The following MAP3K5 variants were observed in gnomAD, a reference collection of about 807,000 sequenced individuals.
MAP3K5 encodes the protein mitogen-activated protein kinase kinase kinase 5.
In MAP3K5, 56 loss-of-function variants were observed where a neutral mutation model predicts 158.7. The ratio of observed to expected loss-of-function variants is 0.35; its 90% CI spans 0.28 to 0.44. The LOEUF is 0.44. Ranked by LOEUF, MAP3K5 falls within the 20% of genes least tolerant of loss-of-function variation. The probability of loss-of-function intolerance (pLI) is 1.00; values close to 1 mark genes in which losing one functional copy is unlikely to be tolerated. For missense variants in MAP3K5, 1,294 were observed against 1,674.8 expected, an observed-to-expected ratio of 0.77 and a Z score of 3.97; for synonymous variants, 579 against 601.7, an observed-to-expected ratio of 0.96 and a Z score of 0.55.
intron 2 of MAP3K5, among the ~76,000 whole-genome samples, chr6:136,711,525 G>A (rs538279310): frequency 4.5e-4 from 69 of 152,140 alleles, no homozygotes; most frequent in African/African-American, 1.6e-3. Flanking sequence ...AATTAGCCAG[G>A]TGTAGCAGCA....
At chr6:136,727,635 T>C (rs1782022949) in intron 1 of MAP3K5, among the ~76,000 whole-genome samples, 1 of 152,220 alleles carries the variant, frequency 6.6e-6, no homozygotes, top group South Asian at 2.1e-4. Context: ...GTTGTAATAA[T>C]ACTGTGAGTA....
intron 26 of MAP3K5, among the ~76,000 whole-genome samples, chr6:136,563,027 C>T (rs558796588): frequency 2.2e-4 from 34 of 151,932 alleles, no homozygotes; most frequent in African/African-American, 7.5e-4. Flanking sequence ...CACATACACC[C>T]CTAATTTTAT....
chr6:136,707,445 C>T (rs551433710), intron 2 of MAP3K5, among the ~76,000 whole-genome samples: 144 of 151,860 alleles, frequency 9.5e-4, no homozygotes, highest in African/African-American at 3.1e-3. Context: ...GGATCCAGGC[C>T]GGAGAGCTAG....
At chr6:136,742,010 T>A (rs923753456) in intron 1 of MAP3K5, among the ~76,000 whole-genome samples, 6 of 152,052 alleles carry the variant, frequency 3.9e-5, no homozygotes, top group African/African-American at 1.2e-4. Flanking sequence ...CTAAATAAAT[T>A]GAGAGATATT....
intron 1 of MAP3K5, among the ~76,000 whole-genome samples, chr6:136,779,689 G>C (rs1784539110): frequency 6.6e-6 from 1 of 152,122 alleles, no homozygotes; most frequent in Non-Finnish European, 1.5e-5. Flanking sequence ...AACTACTGAG[G>C]GTCCCATAGT....
intron 25 of MAP3K5, among the ~76,000 whole-genome samples, chr6:136,570,271 G>A (rs1774304821): frequency 6.6e-6 from 1 of 152,186 alleles, no homozygotes; most frequent in Non-Finnish European, 1.5e-5. Context: ...TCTGTGGACA[G>A]TATTTTCCTC....
chr6:136,755,750 G>A (rs905249706), intron 1 of MAP3K5, among the ~76,000 whole-genome samples: 1 of 149,830 alleles, frequency 6.7e-6, no homozygotes, highest in Non-Finnish European at 1.5e-5. Context: ...AATTTCCCTA[G>A]ACAAGTGCCC....
chr6:136,791,081 C>T lies in MAP3K5; in HGVS notation c.448+629G>A, dbSNP rs986142944. Among the ~76,000 whole-genome samples the T allele has an allele frequency of 5.3e-5, 8 of 152,230 alleles. No homozygotes were observed. The East Asian group carries it at 1.5e-3, about 29-fold the overall frequency. On this transcript the variant is annotated intron_variant, in intron 1 of 29. Transcript: ENST00000359015. ...AGGCCCTGGTTCTTTCACCAAAATC[C>T]TTACAAAGATAACACACAAGTTCAG...
At position 136,659,259 on chromosome 6, in the gene MAP3K5, G is replaced by GTCTTCAGTTTAA; in HGVS notation, c.1485_1486insTTAAACTGAAGA (p.Ile495_Gln496insLeuAsnTer). 6.2e-7 allele frequency: 1 copy of GTCTTCAGTTTAA among 1,614,102 alleles called. No homozygotes were observed. The highest frequency in any genetic ancestry group is 8.5e-7 in the Non-Finnish European group (1 of 1,179,984). On this transcript the variant is annotated stop_gained and inframe_insertion, in exon 9 of 30. Transcript: ENST00000359015. LOFTEE classifies it high-confidence loss of function. ...AGTTTAAAAAGCTTTTCAGATGCTT[G>GTCTTCAGTTTAA]AATGACTCTCATGTGGTCATTGGCT...
chr6:136,647,474 TTC>T (rs1554291803), intron 11 of MAP3K5, among the ~76,000 whole-genome samples: 1 of 152,228 alleles, frequency 6.6e-6, no homozygotes, highest in Non-Finnish European at 1.5e-5. Flanking sequence ...ATAATTCACA[TTC>T]TGTTCTGCCT....
At chr6:136,738,382 CTGTTTT>C (rs1782565124) in intron 1 of MAP3K5, among the ~76,000 whole-genome samples, 6 of 152,134 alleles carry the variant, frequency 3.9e-5, no homozygotes, top group African/African-American at 1.4e-4. Context: ...AGGGACCTGA[CTGTTTT>C]AACAGAAATA....
intron 1 of MAP3K5, among the ~76,000 whole-genome samples, chr6:136,738,080 C>T (rs146183373): frequency 1.3e-5 from 2 of 152,320 alleles, no homozygotes; most frequent in East Asian, 1.9e-4. Flanking sequence ...AATGGCTTAT[C>T]GCTCTGCCCA....
intron 7 of MAP3K5, among the ~76,000 whole-genome samples, chr6:136,685,004 T>C (rs1476030477): frequency 6.6e-6 from 1 of 152,152 alleles, no homozygotes; most frequent in Admixed American, 6.5e-5. Flanking sequence ...CAATATACTG[T>C]AATTCAGCAC....
intron 1 of MAP3K5, among the ~76,000 whole-genome samples, chr6:136,767,337 A>C (rs1485317165): frequency 1.3e-5 from 2 of 151,814 alleles, no homozygotes; most frequent in Non-Finnish European, 2.9e-5. Context: ...AAGGAAGAAA[A>C]GAAAGGAAGG....
intron 11 of MAP3K5, among the ~76,000 whole-genome samples, chr6:136,644,088 A>C (rs755019684): frequency 9.9e-5 from 15 of 152,170 alleles, no homozygotes; most frequent in Non-Finnish European, 1.3e-4. Context: ...AGCAACTGGC[A>C]AATACTAACA....
At chr6:136,564,131 C>G (rs765953492) in intron 26 of MAP3K5, among the ~76,000 whole-genome samples, 1 of 152,220 alleles carries the variant, frequency 6.6e-6, no homozygotes, top group Non-Finnish European at 1.5e-5. Flanking sequence ...AGTGCCAAGT[C>G]AGTGTCTGGT....
intron 7 of MAP3K5, among the ~76,000 whole-genome samples, chr6:136,690,726 T>A (rs1044053661): frequency 6.6e-6 from 1 of 152,218 alleles, no homozygotes; most frequent in African/African-American, 2.4e-5. Context: ...CTATATTGGT[T>A]ACATGCATTG....
chr6:136,703,581 C>T (rs1410710999), intron 3 of MAP3K5, among the ~76,000 whole-genome samples: 3 of 151,622 alleles, frequency 2.0e-5, no homozygotes, highest in South Asian at 2.1e-4. Flanking sequence ...TTTAAAAAAA[C>T]GTGTGAGATA....
chr6:136,622,914 T>C lies in MAP3K5; in HGVS notation c.2084A>G (p.Tyr695Cys), dbSNP rs1156388054. 6 of 1,613,662 alleles carry C rather than the reference T, an allele frequency of 3.7e-6. No homozygotes were observed. Among genetic ancestry groups the C allele is most frequent in the Non-Finnish European group, 5.1e-6 (6 of 1,179,708 alleles). ...VLGKGTYGIV[Y>C]AGRDLSNQVR... Reference sequence around the variant, plus strand: ...TTGGTTGCTCAAGTCCCGACCTGCGTAGACTATCCCATAAGTGCCTTTTCC... The same window carrying C: ...TTGGTTGCTCAAGTCCCGACCTGCGCAGACTATCCCATAAGTGCCTTTTCC... The change falls in exon 15 of 30, where the codon TAC (tyrosine) becomes TGC (cysteine). Residue 695 changes from tyrosine (Y) to cysteine (C), a missense_variant. Coordinates refer to ENST00000359015, the MANE Select transcript of MAP3K5 (RefSeq NM_005923.4).
Sources: gnomAD v4.1 joint callset for allele counts (sites outside exome capture counted in the v4.1 genomes callset) on GRCh38, gnomAD v4.1.1 for gene constraint, MANE v1.5 for transcripts, NCBI Gene and HGNC (gene_info 2026-07-23, HGNC 2026-07-21) for gene names.